CACNA1C: variants seen among roughly 807,000 people sequenced by gnomAD.
The protein encoded by CACNA1C is calcium voltage-gated channel subunit alpha1 C.
CACNA1C carries 30 observed loss-of-function variants against 229.0 expected under a neutral mutation model. That is an observed-to-expected ratio of 0.13 (90% confidence interval 0.10 to 0.18). The LOEUF is 0.18. Among genes scored for constraint, CACNA1C ranks in the 10% least tolerant of loss-of-function variants. The probability of loss-of-function intolerance (pLI) is 1.00; values close to 1 mark genes in which losing one functional copy is unlikely to be tolerated. For missense variants in CACNA1C, 1,658 were observed against 2,845.0 expected (o/e 0.58, Z 9.49); for synonymous variants, 1,114 against 1,132.5 (o/e 0.98, Z 0.33).
At chr12:2,661,725 T>C (rs4765701) in intron 34 of CACNA1C, among the ~76,000 whole-genome samples, 111,821 of 152,160 alleles carry the variant, frequency 0.73, 41,779 homozygotes, top group Admixed American at 0.82. Context: ...GTACACATAA[T>C]TGTCATTGTT....
At chr12:2,269,109 G>A (rs2083653102) in intron 3 of CACNA1C, among the ~76,000 whole-genome samples, 2 of 152,182 alleles carry the variant, frequency 1.3e-5, no homozygotes, top group Admixed American at 6.5e-5. Context: ...CTCATGCTTT[G>A]TCAAAACACT....
At chr12:2,327,597 G>A (rs971952209) in intron 3 of CACNA1C, among the ~76,000 whole-genome samples, 1 of 152,214 alleles carries the variant, frequency 6.6e-6, no homozygotes, top group African/African-American at 2.4e-5. Context: ...CGGTAGTTCT[G>A]AGAGGTGTTC....
intron 3 of CACNA1C, among the ~76,000 whole-genome samples, chr12:2,353,767 G>C (rs1233209326): frequency 2.0e-5 from 3 of 152,208 alleles, no homozygotes; most frequent in African/African-American, 7.2e-5. Flanking sequence ...TGCAGGCCCA[G>C]GGCTGAGATG....
chr12:2,104,115 A>G (rs1414359446), intron 1 of CACNA1C, among the ~76,000 whole-genome samples: 2 of 152,198 alleles, frequency 1.3e-5, no homozygotes, highest in African/African-American at 2.4e-5. Flanking sequence ...TCTGTGAGGA[A>G]AGTCAACGGT....
At chr12:2,116,192 T>C (rs1262692621) in intron 2 of CACNA1C, among the ~76,000 whole-genome samples, 1 of 152,172 alleles carries the variant, frequency 6.6e-6, no homozygotes, top group Non-Finnish European at 1.5e-5. Context: ...GAAAACTCTC[T>C]GGGTAATTCT....
intron 9 of CACNA1C, among the ~76,000 whole-genome samples, chr12:2,531,959 T>G (rs570877238): frequency 6.6e-6 from 1 of 152,292 alleles, no homozygotes; most frequent in South Asian, 2.1e-4. Context: ...CTTCCATCTT[T>G]GTGCAAGCCT....
chr12:2,609,484 G>T (rs1331932891), intron 27 of CACNA1C, among the ~76,000 whole-genome samples: 1 of 151,460 alleles, frequency 6.6e-6, no homozygotes, highest in Non-Finnish European at 1.5e-5. Flanking sequence ...CACTCTGCTG[G>T]CTGCTGTGTG....
intron 3 of CACNA1C, among the ~76,000 whole-genome samples, chr12:2,355,527 A>G (rs1162705965): frequency 6.6e-6 from 1 of 152,082 alleles, no homozygotes; most frequent in Non-Finnish European, 1.5e-5. Flanking sequence ...TCCTTATGAG[A>G]TAGAAATGAG....
chr12:2,569,482 C>G (rs868471168), intron 13 of CACNA1C, among the ~76,000 whole-genome samples: 49 of 152,128 alleles, frequency 3.2e-4, no homozygotes, highest in African/African-American at 1.2e-3. Context: ...TCCCAGCAAC[C>G]AAATTCACTT....
intron 1 of CACNA1C, among the ~76,000 whole-genome samples, chr12:1,998,944 T>TA (rs751702369): frequency 1.7e-4 from 26 of 152,272 alleles, no homozygotes; most frequent in Non-Finnish European, 2.9e-4. Flanking sequence ...TACGCCCTTT[T>TA]AAAAAAAGCG....
intron 3 of CACNA1C, among the ~76,000 whole-genome samples, chr12:2,187,881 T>A (rs973293696): frequency 1.3e-5 from 2 of 152,034 alleles, no homozygotes; most frequent in Non-Finnish European, 2.9e-5. Flanking sequence ...CAGAGAAGAG[T>A]CTGCTGCCCC....
At chr12:2,137,532 G>A (rs999513973) in intron 3 of CACNA1C, among the ~76,000 whole-genome samples, 1 of 151,230 alleles carries the variant, frequency 6.6e-6, no homozygotes, top group Non-Finnish European at 1.5e-5. Context: ...GCAGCAGTGA[G>A]CTATGATTAC....
chr12:2,602,702 C>G lies in CACNA1C; in HGVS notation c.2960+742C>G, dbSNP rs2073310457. ...TCATTTCACTGGTCTGGGGTACAGT[C>G]TGGGTGTGAGTTCTAAGAGCTTTCC... is the stretch of plus-strand genomic sequence containing the variant. On this transcript the variant is annotated intron_variant, in intron 22 of 46. Transcript: ENST00000399655. The surrounding 1 kb of genome is among the most constrained non-coding windows in gnomAD (Gnocchi z 4.4). 2.0e-5 allele frequency among the ~76,000 whole-genome samples: 3 copies of G among 148,592 alleles called. No homozygotes were observed. The South Asian group carries it at 6.3e-4, about 31-fold the overall frequency.
intron 7 of CACNA1C, among the ~76,000 whole-genome samples, chr12:2,498,928 G>C (rs2099752809): frequency 6.6e-6 from 1 of 152,232 alleles, no homozygotes; most frequent in South Asian, 2.1e-4. Context: ...GTCAGCACAT[G>C]AGTCCATCTG....
chr12:2,660,648 A>AC (rs1449579581), intron 34 of CACNA1C: 1 of 151,902 alleles, frequency 6.6e-6, no homozygotes, highest in Non-Finnish European at 1.5e-5. Context: ...AGATGGTGAA[A>AC]CCCCATCTCT....
At chr12:2,405,459 C>T (rs2098726462) in intron 3 of CACNA1C, among the ~76,000 whole-genome samples, 1 of 152,184 alleles carries the variant, frequency 6.6e-6, no homozygotes, top group Non-Finnish European at 1.5e-5. Flanking sequence ...CTTATTTGTT[C>T]TCCATCTCTA....
chr12:2,493,417 G>C lies in CACNA1C; in HGVS notation c.1113+31G>C. 1 of 1,568,868 alleles carries C rather than the reference G, an allele frequency of 6.4e-7. No homozygotes were observed. Among genetic ancestry groups the C allele is most frequent in the Non-Finnish European group, 8.8e-7 (1 of 1,140,230 alleles). ...TAGCATGAGTGGGCAGTCAGAGGGT[G>C]GGGGAACAGCGGCCGTGAACCCTTC... On this transcript the variant is annotated intron_variant, in intron 7 of 46. Transcript: ENST00000399655. The surrounding 1 kb of genome is among the most constrained non-coding windows in gnomAD (Gnocchi z 4.6).
intron 3 of CACNA1C, among the ~76,000 whole-genome samples, chr12:2,199,114 G>A (rs1014030692): frequency 2.6e-5 from 4 of 152,034 alleles, no homozygotes; most frequent in Non-Finnish European, 4.4e-5. Flanking sequence ...CTGTCTTGCT[G>A]CCTTCCCCAC....
intron 3 of CACNA1C, among the ~76,000 whole-genome samples, chr12:2,333,590 A>C (rs908925514): frequency 6.6e-6 from 1 of 152,216 alleles, no homozygotes; most frequent in African/African-American, 2.4e-5. Context: ...GTAGCAGTGG[A>C]TGCAGCCTTG....
Sources: gnomAD v4.1 joint callset for allele counts (sites outside exome capture counted in the v4.1 genomes callset) on GRCh38, gnomAD v4.1.1 for gene constraint, Gnocchi (gnomAD v3.1) non-coding constraint, MANE v1.5 for transcripts, NCBI Gene and HGNC (gene_info 2026-07-23, HGNC 2026-07-21) for gene names.